LRMDA: variants seen among roughly 807,000 people sequenced by gnomAD.
LRMDA encodes leucine rich melanocyte differentiation associated, also known as leucine-rich melanocyte differentiation-associated protein.
A neutral mutation model predicts 29.8 loss-of-function variants in LRMDA; 18 were observed. The observed-to-expected ratio is 0.60, with a 90% CI of 0.42 to 0.90. The LOEUF is 0.90. Among genes scored for constraint, LRMDA ranks in the 40% least tolerant of loss-of-function variants. The probability of loss-of-function intolerance (pLI) is 0.00; values close to 1 mark genes in which losing one functional copy is unlikely to be tolerated. For missense variants in LRMDA, 273 were observed against 273.9 expected (o/e 1.00, Z 0.02); for synonymous variants, 125 against 109.4 (o/e 1.14, Z -0.89).
chr10:76,174,389 A>AT (rs1176619548), intron 5 of LRMDA, among the ~76,000 whole-genome samples: 13 of 152,248 alleles, frequency 8.5e-5, no homozygotes, highest in East Asian at 3.9e-4. Flanking sequence ...AGTTTTAAAG[A>AT]TTTTTTTGTA....
intron 2 of LRMDA, among the ~76,000 whole-genome samples, chr10:75,458,827 A>G (rs767434414): frequency 6.6e-6 from 1 of 152,166 alleles, no homozygotes; most frequent in Non-Finnish European, 1.5e-5. Context: ...TTCCTGGTTC[A>G]TGTAGTATCA....
intron 2 of LRMDA, among the ~76,000 whole-genome samples, chr10:75,827,179 G>C (rs530512221): frequency 4.1e-4 from 62 of 152,282 alleles, no homozygotes; most frequent in African/African-American, 1.4e-3. Context: ...TCAGGGGACT[G>C]CTTTTCTTAT....
At chr10:76,244,271 C>T (rs1223303672) in intron 5 of LRMDA, among the ~76,000 whole-genome samples, 1 of 152,184 alleles carries the variant, frequency 6.6e-6, no homozygotes, top group Non-Finnish European at 1.5e-5. Flanking sequence ...TGGTACATGA[C>T]AGGCATTCAG....
intron 6 of LRMDA, among the ~76,000 whole-genome samples, chr10:76,350,812 T>C (rs2132431726): frequency 6.6e-6 from 1 of 152,246 alleles, no homozygotes; most frequent in African/African-American, 2.4e-5. Context: ...GAATATCACT[T>C]TGTAGTGTCA....
chr10:76,429,355 T>C (rs1842166751), intron 6 of LRMDA, among the ~76,000 whole-genome samples: 3 of 152,160 alleles, frequency 2.0e-5, no homozygotes, highest in South Asian at 4.1e-4. Context: ...TATGATAATA[T>C]GTCTTCATAA....
chr10:75,672,805 C>T (rs751404401), intron 2 of LRMDA, among the ~76,000 whole-genome samples: 1 of 151,056 alleles, frequency 6.6e-6, no homozygotes, highest in Non-Finnish European at 1.5e-5. Flanking sequence ...CTCATGACCT[C>T]AAGTGATCTG....
At chr10:75,974,550 C>G (rs934467273) in intron 2 of LRMDA, among the ~76,000 whole-genome samples, 1 of 152,166 alleles carries the variant, frequency 6.6e-6, no homozygotes, top group African/African-American at 2.4e-5. Flanking sequence ...TATAGCCTTA[C>G]ACTAAGGGCC....
intron 2 of LRMDA, among the ~76,000 whole-genome samples, chr10:75,976,967 A>G (rs951808349): frequency 2.6e-5 from 4 of 152,176 alleles, no homozygotes; most frequent in African/African-American, 9.7e-5. Context: ...GAAATGTCTT[A>G]GGCCTGAACA....
At chr10:75,584,044 G>T (rs867475817) in intron 2 of LRMDA, among the ~76,000 whole-genome samples, 2 of 152,074 alleles carry the variant, frequency 1.3e-5, no homozygotes, top group African/African-American at 4.8e-5. Context: ...CACGTGGTTC[G>T]CAAGGACCTG....
intron 5 of LRMDA, among the ~76,000 whole-genome samples, chr10:76,129,963 G>C (rs1168014722): frequency 2.6e-5 from 4 of 152,058 alleles, no homozygotes; most frequent in Non-Finnish European, 5.9e-5. Context: ...ATGTAAAATG[G>C]GGTAATAACC....
At chr10:75,646,732 CTG>C (rs1226965912) in intron 2 of LRMDA, among the ~76,000 whole-genome samples, 1 of 152,138 alleles carries the variant, frequency 6.6e-6, no homozygotes, top group Admixed American at 6.5e-5. Context: ...ATGGCGTGGA[CTG>C]ACAGTTATTA....
intron 6 of LRMDA, among the ~76,000 whole-genome samples, chr10:76,362,417 T>C (rs1474974656): frequency 2.0e-5 from 3 of 152,226 alleles, no homozygotes; most frequent in Non-Finnish European, 4.4e-5. Context: ...ATTATTTCAA[T>C]AGTTAAATTA....
chr10:75,525,098 A>G (rs1347521595), intron 2 of LRMDA, among the ~76,000 whole-genome samples: 4 of 152,168 alleles, frequency 2.6e-5, no homozygotes, highest in Non-Finnish European at 4.4e-5. Flanking sequence ...TTGGGTGATG[A>G]TTTTACCCTT....
chr10:75,630,308 C>T (rs1232254969), intron 2 of LRMDA, among the ~76,000 whole-genome samples: 2 of 152,200 alleles, frequency 1.3e-5, no homozygotes, highest in Non-Finnish European at 2.9e-5. Flanking sequence ...GGAAGACCAT[C>T]CCCCGCTTCC....
chr10:76,175,476 C>T (rs963892881), intron 5 of LRMDA, among the ~76,000 whole-genome samples: 4 of 152,148 alleles, frequency 2.6e-5, no homozygotes, highest in African/African-American at 9.7e-5. Flanking sequence ...TATTTTAATG[C>T]TATTATCGTT....
intron 2 of LRMDA, among the ~76,000 whole-genome samples, chr10:75,502,521 A>T (rs1845124127): frequency 6.6e-6 from 1 of 152,126 alleles, no homozygotes; most frequent in Non-Finnish European, 1.5e-5. Context: ...AGCCCTAGCT[A>T]AATCACCAGT....
chr10:76,199,816 C>T (rs189943069), intron 5 of LRMDA, among the ~76,000 whole-genome samples: 1 of 152,124 alleles, frequency 6.6e-6, no homozygotes, highest in Admixed American at 6.5e-5. Context: ...ATTAGCCCTA[C>T]CCTGCTTTTT....
intron 2 of LRMDA, among the ~76,000 whole-genome samples, chr10:75,878,368 G>T (rs376099798): frequency 6.6e-6 from 1 of 151,896 alleles, no homozygotes; most frequent in East Asian, 1.9e-4. Context: ...TGGATGGGGA[G>T]CCAGAAGGGG....
intron 2 of LRMDA, among the ~76,000 whole-genome samples, chr10:75,553,785 A>G (rs867405174): frequency 1.3e-5 from 2 of 152,002 alleles, no homozygotes; most frequent in African/African-American, 4.8e-5. Context: ...AGGGCCTGGG[A>G]AGTAGGCAAG....
Sources: gnomAD v4.1 joint callset for allele counts (sites outside exome capture counted in the v4.1 genomes callset) on GRCh38, gnomAD v4.1.1 for gene constraint, MANE v1.5 for transcripts, NCBI Gene and HGNC (gene_info 2026-07-23, HGNC 2026-07-21) for gene names.